Variants in ANKS1B observed in about 807,000 individuals in gnomAD.
The protein encoded by ANKS1B is ankyrin repeat and sterile alpha motif domain containing 1B.
A neutral mutation model predicts 148.3 loss-of-function variants in ANKS1B; 36 were observed. The ratio of observed to expected loss-of-function variants is 0.24; its 90% confidence interval spans 0.19 to 0.32. The LOEUF (loss-of-function observed/expected upper bound fraction) is 0.32, where lower values mean the gene tolerates loss of function less well. Ranked by LOEUF, ANKS1B falls within the 10% of genes least tolerant of loss-of-function variation. The pLI, the probability that ANKS1B is intolerant of heterozygous loss-of-function variation, is 1.00. For missense variants in ANKS1B, 1,157 were observed against 1,542.6 expected, an observed-to-expected ratio of 0.75 and a Z score of 4.19; for synonymous variants, 542 against 560.8, an observed-to-expected ratio of 0.97 and a Z score of 0.47.
At chr12:99,369,791 T>TAGATAGATGGACGGACGGACAGAC (rs879173702) in intron 12 of ANKS1B, among the ~76,000 whole-genome samples, 1 of 148,890 alleles carries the variant, frequency 6.7e-6, no homozygotes, top group Non-Finnish European at 1.5e-5. Flanking sequence ...GATAGATAGA[T>TAGATAGATGGACGGACGGACAGAC]GGACGGACGG....
At chr12:99,548,916 C>T (rs963463985) in intron 9 of ANKS1B, among the ~76,000 whole-genome samples, 4 of 151,764 alleles carry the variant, frequency 2.6e-5, no homozygotes, top group Admixed American at 1.3e-4. Flanking sequence ...AGATTGCCTA[C>T]CCAGAATTAT....
intron 19 of ANKS1B, among the ~76,000 whole-genome samples, chr12:98,816,567 C>T (rs2099142928): frequency 1.3e-5 from 2 of 152,302 alleles, no homozygotes; most frequent in East Asian, 1.9e-4. Flanking sequence ...ACTGGGATTA[C>T]AGGTGTGAGC....
chr12:99,462,757 T>C (rs2096004735), intron 10 of ANKS1B, among the ~76,000 whole-genome samples: 1 of 152,182 alleles, frequency 6.6e-6, no homozygotes, highest in African/African-American at 2.4e-5. Context: ...CTGGGAGGTG[T>C]TTGCATTATG....
intron 12 of ANKS1B, among the ~76,000 whole-genome samples, chr12:99,368,761 G>A (rs1204849506): frequency 6.6e-6 from 1 of 152,070 alleles, no homozygotes; most frequent in African/African-American, 2.4e-5. Context: ...AGAGACACAC[G>A]ACTATCAAAG....
chr12:99,063,540 GA>G (rs2043119142), intron 16 of ANKS1B, among the ~76,000 whole-genome samples: 1 of 152,178 alleles, frequency 6.6e-6, no homozygotes, highest in Admixed American at 6.5e-5. Flanking sequence ...CGAGGCCCCA[GA>G]AAAAAGTCTA....
rs534777782 is a variant in ANKS1B, at chr12:99,134,734, G to A, written c.2526+19555C>T. ...TACCCTCCATTCTCAGGTCAAAAAG[G>A]AAGTAAGGCTAACTCTCTAAAGACA... is the stretch of plus-strand genomic sequence containing the variant. On this transcript the variant is annotated intron_variant, in intron 15 of 26. Coordinates refer to ENST00000683438, the MANE Select transcript of ANKS1B (RefSeq NM_001352186.2). 4.4e-4 allele frequency among the ~76,000 whole-genome samples: 63 copies of A among 142,058 alleles called. 1 individual carries two copies. Among genetic ancestry groups the A allele is most frequent in the Non-Finnish European group, 8.4e-4 (55 of 65,808 alleles). 93.2% of individuals were successfully genotyped at this position (142,058 alleles called of 152,430 possible).
At chr12:98,958,833 TGTAA>T (rs1403505394) in intron 17 of ANKS1B, among the ~76,000 whole-genome samples, 1 of 152,224 alleles carries the variant, frequency 6.6e-6, no homozygotes, top group Non-Finnish European at 1.5e-5. Context: ...TATATCTACA[TGTAA>T]GTGATTTTAA....
intron 22 of ANKS1B, among the ~76,000 whole-genome samples, chr12:98,791,237 C>G (rs563820978): frequency 6.6e-6 from 1 of 151,594 alleles, no homozygotes; most frequent in African/African-American, 2.4e-5. Context: ...CCCAGCTACT[C>G]AGGAGGCTGA....
chr12:99,847,491 G>A (rs1455686537), intron 1 of ANKS1B, among the ~76,000 whole-genome samples: 2 of 152,130 alleles, frequency 1.3e-5, no homozygotes, highest in Admixed American at 6.5e-5. Context: ...AAGGAGTCCT[G>A]CCCTACACCC....
Position 99,903,909 on chromosome 12 carries a change from A to T in ANKS1B, c.135-78520T>A, listed in dbSNP as rs113619333. Among the ~76,000 whole-genome samples the T allele has an allele frequency of 2.1e-3, 327 of 152,278 alleles. 1 individual carries two copies. The highest frequency in any genetic ancestry group is 7.6e-3 in the African/African-American group (314 of 41,546). ...AGAAAAATTAAAAATAAAAAAAAAT[A>T]AAAAGTTGCCAAGTGTTCAAAACCC... is the stretch of plus-strand genomic sequence containing the variant. On this transcript the variant is annotated intron_variant, in intron 1 of 26. Transcript: ENST00000683438.
intron 15 of ANKS1B, among the ~76,000 whole-genome samples, chr12:99,118,302 T>A (rs989119623): frequency 1.3e-5 from 2 of 152,242 alleles, no homozygotes; most frequent in Admixed American, 1.3e-4. Flanking sequence ...TTCTATTACC[T>A]TGTCCACAAT....
At chr12:99,443,850 G>C (rs1249883576) in intron 10 of ANKS1B, 41 bp from the exon 11 acceptor site, 1 of 1,557,894 alleles carries the variant, frequency 6.4e-7, no homozygotes, top group Non-Finnish European at 8.7e-7. Context: ...TAATCACTCA[G>C]TTTACCTTTT....
At chr12:99,126,386 T>C (rs991750451) in intron 15 of ANKS1B, among the ~76,000 whole-genome samples, 1 of 152,186 alleles carries the variant, frequency 6.6e-6, no homozygotes, top group Non-Finnish European at 1.5e-5. Flanking sequence ...AAGTTTCAAG[T>C]TGCAAACATA....
rs181559156 is a variant in ANKS1B, at chr12:99,484,643, T to A, written c.1438+19833A>T. On this transcript the variant is annotated intron_variant, in intron 10 of 26. Coordinates refer to ENST00000683438, the MANE Select transcript of ANKS1B (RefSeq NM_001352186.2). Reference sequence around the variant, plus strand: ...CTATCTCATTTTTTAGGTCTAGTAGTAATGTTTCATAAATCTGGGAGCTCC... The same window carrying A: ...CTATCTCATTTTTTAGGTCTAGTAGAAATGTTTCATAAATCTGGGAGCTCC... Among the ~76,000 whole-genome samples, 667 of 151,940 alleles carry A rather than the reference T, an allele frequency of 4.4e-3. 3 individuals are homozygous for A. The highest frequency in any genetic ancestry group is 8.5e-3 in the Non-Finnish European group (574 of 67,846).
intron 20 of ANKS1B, among the ~76,000 whole-genome samples, chr12:98,802,680 T>TCGCA (rs939579535): frequency 7.8e-6 from 1 of 128,042 alleles, no homozygotes; most frequent in African/African-American, 2.9e-5. Context: ...TCACTTCGAC[T>TCGCA]CGCAGAAGAG....
At chr12:99,309,773 C>T (rs1362298770) in intron 12 of ANKS1B, among the ~76,000 whole-genome samples, 4 of 152,012 alleles carry the variant, frequency 2.6e-5, no homozygotes, top group Non-Finnish European at 5.9e-5. Context: ...GCAATGAGAA[C>T]AAAATAAAGT....
chr12:99,536,282 G>A (rs185357003), intron 9 of ANKS1B, among the ~76,000 whole-genome samples: 6 of 152,182 alleles, frequency 3.9e-5, no homozygotes, highest in Non-Finnish European at 8.8e-5. Context: ...GTAGCACTCT[G>A]GTGGGGATGT....
intron 10 of ANKS1B, among the ~76,000 whole-genome samples, chr12:99,486,124 C>A (rs923493159): frequency 2.6e-5 from 4 of 151,972 alleles, no homozygotes; most frequent in African/African-American, 4.8e-5. Flanking sequence ...ACCAGAGTTA[C>A]CTTTCTGATT....
At chr12:99,911,010 G>A (rs889301650) in intron 1 of ANKS1B, among the ~76,000 whole-genome samples, 16 of 151,948 alleles carry the variant, frequency 1.1e-4, no homozygotes, top group Admixed American at 6.6e-5. Flanking sequence ...CCAAATAATA[G>A]AGTCTGTTAC....
Sources: gnomAD v4.1 joint callset for allele counts (sites outside exome capture counted in the v4.1 genomes callset) on GRCh38, gnomAD v4.1.1 for gene constraint, MANE v1.5 for transcripts, NCBI Gene and HGNC (gene_info 2026-07-23, HGNC 2026-07-21) for gene names.